CYFIP2: variants seen among roughly 807,000 people sequenced by gnomAD.
The protein encoded by CYFIP2 is cytoplasmic FMR1 interacting protein 2.
A neutral mutation model predicts 158.7 loss-of-function variants in CYFIP2; 29 were observed. The ratio of observed to expected loss-of-function variants is 0.18; its 90% CI spans 0.14 to 0.25. The LOEUF is 0.25. Ranked by LOEUF, CYFIP2 falls within the 10% of genes least tolerant of loss-of-function variation. The pLI is 1.00. For synonymous variants in CYFIP2, 585 were observed against 617.6 expected (o/e 0.95, Z 0.78); for missense variants, 852 against 1,639.5 (o/e 0.52, Z 8.29).
Position 157,274,121 on chromosome 5 carries a change from ACT to A in CYFIP2, c.-24+7929_-24+7930del, listed in dbSNP as rs1273176396. ...CTCCAGCCTGGGGAACAAGAGTGAAACTCTGTGTAAAAAAAAAAAAAAAAAAA... is the reference window on the plus strand; with the variant it reads ...CTCCAGCCTGGGGAACAAGAGTGAAACTGTGTAAAAAAAAAAAAAAAAAAA... On this transcript the variant is annotated intron_variant, in intron 1 of 30. Transcript: ENST00000620254. Among the ~76,000 whole-genome samples, 3 of 142,266 alleles carry A rather than the reference ACT, an allele frequency of 2.1e-5. No individual in the cohort carries two copies. The Admixed American group carries it at 2.2e-4, about 10-fold the overall frequency. The allele number at this position is 142,266 out of a possible 152,430, so 93.3% of individuals were successfully genotyped here.
rs549089526 is a variant in CYFIP2 at position 157,333,342 on chromosome 5, A to G, written c.2281A>G (p.Ile761Val). ...QRHVQLLGRS[I>V]DLNRLITQRI... is the part of the protein sequence containing the mutation. The stretch of plus-strand genomic sequence containing the variant: ...CTTCATCCAGCTGTTGGGTAGATCA[A>G]TTGACTTGAACAGACTCATTACCCA... The change falls in exon 21 of 31, where the codon ATT becomes GTT. Residue 761 changes from isoleucine (I) to valine (V), a missense_variant. Transcript: ENST00000620254. The G allele has an allele frequency of 3.4e-5, 55 of 1,613,778 alleles. No individual in the cohort carries two copies. Among genetic ancestry groups the G allele is most frequent in the African/African-American group, 1.2e-4 (9 of 74,888 alleles).
chr5:157,354,432 T>C (rs983016637), intron 23 of CYFIP2, among the ~76,000 whole-genome samples: 5 of 152,150 alleles, frequency 3.3e-5, no homozygotes, highest in Non-Finnish European at 5.9e-5. Context: ...CAGGCTCCCC[T>C]ATTCCCACAT....
chr5:157,267,155 C>T (rs1755672309), intron 1 of CYFIP2, among the ~76,000 whole-genome samples: 1 of 152,230 alleles, frequency 6.6e-6, no homozygotes, highest in Admixed American at 6.5e-5. Context: ...CTACTTTCCC[C>T]AGCACAGTGG....
At chr5:157,358,881 G>C in intron 23 of CYFIP2, 124 bp from the exon 24 acceptor site, 1 of 1,250,702 alleles carries the variant, frequency 8.0e-7, no homozygotes, top group Non-Finnish European at 1.1e-6. Flanking sequence ...ATATTCATGG[G>C]GCTCCAGTGA....
chr5:157,304,166 G>C, intron 7 of CYFIP2, 72 bp from the exon 8 acceptor site: 1 of 1,536,208 alleles, frequency 6.5e-7, no homozygotes, highest in Non-Finnish European at 8.8e-7. Flanking sequence ...CAGCTGTAGG[G>C]CTTCTGCAGG....
At chr5:157,320,014 A>G in intron 14 of CYFIP2, 86 bp downstream of exon 14, 1 of 1,525,106 alleles carries the variant, frequency 6.6e-7, no homozygotes, top group South Asian at 1.2e-5. Context: ...CAGCCACTGA[A>G]CACACATGGG....
At position 157,394,351 on chromosome 5, in the gene CYFIP2, T is replaced by G. The variant is rs1767582105; in HGVS notation, c.*1351T>G. On this transcript the variant is annotated 3_prime_UTR_variant, in exon 31 of 31. Coordinates refer to ENST00000620254, the MANE Select transcript of CYFIP2 (RefSeq NM_001037333.3). ...CCTGAGATTTTAAGAACATAAAATG[T>G]GACATTTGATATTTCTCCAGCCCAG... 6.6e-6 allele frequency: 1 copy of G among 152,240 alleles called. No individual in the cohort carries two copies. Among genetic ancestry groups the G allele is most frequent in the African/African-American group, 2.4e-5 (1 of 41,458 alleles). 9.4% of individuals were successfully genotyped at this position (152,240 alleles called of 1,614,324 possible).
chr5:157,269,827 A>G (rs1755932442), intron 1 of CYFIP2, among the ~76,000 whole-genome samples: 1 of 152,328 alleles, frequency 6.6e-6, no homozygotes, highest in African/African-American at 2.4e-5. Context: ...CCTTGTCTGT[A>G]CAAAGACACT....
rs1003691866 is a variant in CYFIP2, at chr5:157,286,558, A to G, written c.118-461A>G. Among the ~76,000 whole-genome samples, 122 of 118,344 alleles carry G rather than the reference A, an allele frequency of 1.0e-3. No individual in the cohort carries two copies. The East Asian group carries it at 0.014, about 13-fold the overall frequency. The allele number at this position is 118,344 out of a possible 152,430, so 77.6% of individuals were successfully genotyped here. ...TATGGATATGCTATTTTATGTATAT[A>G]TATATATATATATATATATATTTAG... On this transcript the variant is annotated intron_variant, in intron 2 of 30. Transcript: ENST00000620254.
chr5:157,326,371 C>G (rs1761019866), intron 18 of CYFIP2, 104 bp downstream of exon 18: 1 of 964,536 alleles, frequency 1.0e-6, no homozygotes, highest in Non-Finnish European at 1.6e-6. Flanking sequence ...GTGACTTGTT[C>G]TGGAGAGGAA....
At chr5:157,282,017 G>T (rs1757027540) in intron 1 of CYFIP2, among the ~76,000 whole-genome samples, 1 of 152,158 alleles carries the variant, frequency 6.6e-6, no homozygotes, top group Admixed American at 6.5e-5. Context: ...TTTTCCTGCT[G>T]CTTCATATTT....
In CYFIP2 at chr5:157,302,892, T is replaced by C; in HGVS notation, c.666+2T>C. ...GCCAACCACAACAGGATCACCCAGG[T>C]GAGGGCAGACTCCTTGTTAGGCCTG... On this transcript the variant is annotated splice_donor_variant, in intron 7 of 30. Coordinates refer to ENST00000620254, the MANE Select transcript of CYFIP2 (RefSeq NM_001037333.3). LOFTEE classifies it high-confidence loss of function. 1 of 1,569,578 alleles carries C rather than the reference T, an allele frequency of 6.4e-7. No homozygotes were observed. The highest frequency in any genetic ancestry group is 8.6e-7 in the Non-Finnish European group (1 of 1,156,856).
At chr5:157,320,324 C>T (rs1048523871) in intron 14 of CYFIP2, among the ~76,000 whole-genome samples, 1 of 149,816 alleles carries the variant, frequency 6.7e-6, no homozygotes, top group African/African-American at 2.4e-5. Context: ...TTCATAAGAC[C>T]GGTGAGACTC....
chr5:157,288,140 A>G (rs541246914), intron 3 of CYFIP2, among the ~76,000 whole-genome samples: 2 of 152,290 alleles, frequency 1.3e-5, no homozygotes, highest in South Asian at 2.1e-4. Context: ...TGGAGGCTGG[A>G]AAGTCCAAGA....
At chr5:157,344,819 C>T (rs923811139) in intron 23 of CYFIP2, among the ~76,000 whole-genome samples, 23 of 152,224 alleles carry the variant, frequency 1.5e-4, no homozygotes, top group Non-Finnish European at 2.6e-4. Flanking sequence ...TAAGCCAAAC[C>T]AATGGCTATT....
At chr5:157,331,587 A>G (rs1361767499) in intron 20 of CYFIP2, among the ~76,000 whole-genome samples, 1 of 152,046 alleles carries the variant, frequency 6.6e-6, no homozygotes, top group African/African-American at 2.4e-5. Context: ...CATTCCCATT[A>G]CTATGAGAAA....
At chr5:157,299,332 G>T (rs148804842) in intron 5 of CYFIP2, among the ~76,000 whole-genome samples, 2 of 152,026 alleles carry the variant, frequency 1.3e-5, no homozygotes, top group South Asian at 2.1e-4. Flanking sequence ...TCCTGTACTC[G>T]CTCCGCTTCA....
At chr5:157,294,140 A>G (rs980584414) in intron 3 of CYFIP2, among the ~76,000 whole-genome samples, 4 of 152,240 alleles carry the variant, frequency 2.6e-5, no homozygotes, top group African/African-American at 9.6e-5. Flanking sequence ...CTACATCTTC[A>G]GCAGAATTCA....
Position 157,345,153 on chromosome 5 carries a change from A to G in CYFIP2, c.2673+3996A>G, listed in dbSNP as rs559550810. Among the ~76,000 whole-genome samples, 10 of 152,254 alleles carry G rather than the reference A, an allele frequency of 6.6e-5. No individual in the cohort carries two copies. The East Asian group carries it at 1.4e-3, about 21-fold the overall frequency. ...TCCTCTACACACTCATCCTCCCCAC[A>G]CCACACATCACTATAAATACACTTT... is the stretch of plus-strand genomic sequence containing the variant. On this transcript the variant is annotated intron_variant, in intron 23 of 30. Coordinates refer to ENST00000620254, the MANE Select transcript of CYFIP2 (RefSeq NM_001037333.3).
Sources: allele counts gnomAD v4.1 joint callset (sites outside exome capture counted in the v4.1 genomes callset), GRCh38; gene constraint gnomAD v4.1.1; transcripts MANE v1.5; gene names NCBI Gene and HGNC (gene_info 2026-07-23, HGNC 2026-07-21).